The following NUMB variants were observed in gnomAD, a reference collection of about 807,000 sequenced individuals.
The protein encoded by NUMB is NUMB endocytic adaptor protein.
Under a neutral mutation model 59.7 loss-of-function variants are expected in NUMB, and 29 were observed. The observed-to-expected ratio is 0.49, with a 90% CI of 0.36 to 0.66. NUMB has a LOEUF of 0.66. Among genes scored for constraint, NUMB ranks in the 30% least tolerant of loss-of-function variants. The pLI is 0.00. For synonymous variants in NUMB, 288 were observed against 288.2 expected (o/e 1.00, Z 0.01); for missense variants, 723 against 822.0 (o/e 0.88, Z 1.47).
At chr14:73,366,670 G>A (rs1894360750) in intron 3 of NUMB, among the ~76,000 whole-genome samples, 1 of 152,168 alleles carries the variant, frequency 6.6e-6, no homozygotes, top group African/African-American at 2.4e-5. Flanking sequence ...CAAGTAGTCT[G>A]TCTCCAGAGA....
rs1318362429 is a variant in NUMB, at chr14:73,292,743, G to C, written c.441C>G (p.Val147=). The part of the protein sequence containing the change: ...RRWICHCFMA[V]KDTGERLSHA... ...TATTTGCTGGACTCACTGTGTCCTT[G>C]ACAGCCATGAAGCAGTGACAGATCC... The change falls in exon 8 of 13, where the codon GTC becomes GTG. Residue 147 remains valine, a synonymous_variant. Transcript: ENST00000555238. 6.2e-7 allele frequency: 1 copy of C among 1,614,180 alleles called. No individual in the cohort carries two copies. The highest frequency in any genetic ancestry group is 8.5e-7 in the Non-Finnish European group (1 of 1,180,008).
intron 1 of NUMB, among the ~76,000 whole-genome samples, chr14:73,411,919 C>CTTTTTTT (rs935625343): frequency 3.7e-5 from 4 of 106,818 alleles, no homozygotes; most frequent in Non-Finnish European, 5.4e-5. Flanking sequence ...CAGCAATTAA[C>CTTTTTTT]TTTTTTTTTT....
chr14:73,360,872 G>T (rs1443233769), intron 3 of NUMB, among the ~76,000 whole-genome samples: 2 of 151,548 alleles, frequency 1.3e-5, no homozygotes, highest in African/African-American at 4.9e-5. Flanking sequence ...TGGAGACAGG[G>T]TCTATCTTAT....
intron 1 of NUMB, among the ~76,000 whole-genome samples, chr14:73,416,337 T>C (rs1207987413): frequency 6.6e-6 from 1 of 151,434 alleles, no homozygotes; most frequent in African/African-American, 2.4e-5. Context: ...CTTTTCTTTT[T>C]TTTTTTTTTT....
chr14:73,299,386 T>C (rs958327974), intron 6 of NUMB: 4 of 152,114 alleles, frequency 2.6e-5, no homozygotes, highest in African/African-American at 9.7e-5. Flanking sequence ...ATCCAATCAG[T>C]TGAAGGCCTC....
chr14:73,295,874 T>C (rs781209135), intron 7 of NUMB, among the ~76,000 whole-genome samples: 7 of 152,196 alleles, frequency 4.6e-5, no homozygotes, highest in Non-Finnish European at 8.8e-5. Flanking sequence ...AAATGCAAAA[T>C]GGTACCTATG....
intron 6 of NUMB, among the ~76,000 whole-genome samples, chr14:73,311,520 C>T (rs1890776791): frequency 1.3e-5 from 2 of 152,128 alleles, no homozygotes; most frequent in African/African-American, 4.8e-5. Context: ...CTCCTGTCAG[C>T]TGGTGATGCA....
intron 2 of NUMB, among the ~76,000 whole-genome samples, chr14:73,379,019 C>T (rs1895103644): frequency 1.3e-5 from 2 of 152,224 alleles, no homozygotes; most frequent in South Asian, 4.1e-4. Flanking sequence ...CCTAAAACTC[C>T]TCTTAAAAAT....
At chr14:73,344,224 C>A (rs763480900) in intron 4 of NUMB, among the ~76,000 whole-genome samples, 11 of 152,000 alleles carry the variant, frequency 7.2e-5, no homozygotes, top group Non-Finnish European at 1.3e-4. Flanking sequence ...TTATATTCAG[C>A]TACTTCTAAT....
At chr14:73,330,413 TG>T (rs1891899237) in intron 4 of NUMB, among the ~76,000 whole-genome samples, 1 of 152,212 alleles carries the variant, frequency 6.6e-6, no homozygotes, top group African/African-American at 2.4e-5. Context: ...CACATTTCCC[TG>T]ATCAGAAATT....
intron 9 of NUMB, chr14:73,286,712 C>T (rs1889029147): frequency 8.3e-6 from 2 of 242,208 alleles, no homozygotes; most frequent in Non-Finnish European, 1.6e-5. Flanking sequence ...CTGCTAGCAT[C>T]ATAGTCCGTG....
At chr14:73,279,493 G>T (rs1403610233) in intron 11 of NUMB, 69 bp from the exon 12 acceptor site, 52 of 1,445,028 alleles carry the variant, frequency 3.6e-5, no homozygotes, top group Non-Finnish European at 4.8e-5. Flanking sequence ...CCTTGGAGCT[G>T]TGTCAGTCAG....
chr14:73,374,178 A>C (rs2140062956), intron 2 of NUMB, among the ~76,000 whole-genome samples: 1 of 152,094 alleles, frequency 6.6e-6, no homozygotes, highest in East Asian at 1.9e-4. Context: ...CCGCTCAGCT[A>C]ATTTTTTTTT....
At chr14:73,306,113 A>C (rs559693447) in intron 6 of NUMB, among the ~76,000 whole-genome samples, 1 of 152,362 alleles carries the variant, frequency 6.6e-6, no homozygotes, top group Admixed American at 6.5e-5. Flanking sequence ...AGGATTTGAG[A>C]TTGTACTGTG....
At chr14:73,449,198 T>G (rs1175640092) in intron 1 of NUMB, among the ~76,000 whole-genome samples, 1 of 152,146 alleles carries the variant, frequency 6.6e-6, no homozygotes, top group Non-Finnish European at 1.5e-5. Context: ...ATAATTAATC[T>G]AGAGAAATAA....
chr14:73,301,224 C>T (rs952445208), intron 6 of NUMB, among the ~76,000 whole-genome samples: 1 of 152,212 alleles, frequency 6.6e-6, no homozygotes, highest in African/African-American at 2.4e-5. Context: ...CCAAATGGCA[C>T]TGACAATCCT....
intron 1 of NUMB, among the ~76,000 whole-genome samples, chr14:73,426,597 A>C (rs995662926): frequency 6.6e-6 from 1 of 152,162 alleles, no homozygotes; most frequent in African/African-American, 2.4e-5. Flanking sequence ...CTGTAAACCC[A>C]GCACTTTGGG....
intron 4 of NUMB, among the ~76,000 whole-genome samples, chr14:73,330,234 G>A (rs1891889109): frequency 6.6e-6 from 1 of 152,000 alleles, no homozygotes; most frequent in African/African-American, 2.4e-5. Context: ...GTTTTGCTGT[G>A]TTGCCCGGGC....
intron 1 of NUMB, among the ~76,000 whole-genome samples, chr14:73,437,605 T>C (rs898775637): frequency 6.6e-6 from 1 of 152,230 alleles, no homozygotes; most frequent in Non-Finnish European, 1.5e-5. Context: ...AAAAAGAATG[T>C]ATTACTGATT....
Sources: allele counts gnomAD v4.1 joint callset (sites outside exome capture counted in the v4.1 genomes callset), GRCh38; gene constraint gnomAD v4.1.1; transcripts MANE v1.5; gene names NCBI Gene and HGNC (gene_info 2026-07-23, HGNC 2026-07-21).